The following DCDC2C variants were observed in gnomAD, a reference collection of about 807,000 sequenced individuals.
The protein encoded by DCDC2C is doublecortin domain-containing protein 2C.
DCDC2C carries 44 observed loss-of-function variants against 45.0 expected under a neutral mutation model. The ratio of observed to expected loss-of-function variants is 0.98; its 90% confidence interval spans 0.77 to 1.26. The LOEUF is 1.26. Among genes scored for constraint, DCDC2C ranks in the 50% most tolerant of loss-of-function variants. The pLI is 0.00. For synonymous variants in DCDC2C, 187 were observed against 178.8 expected, an observed-to-expected ratio of 1.05 and a Z score of -0.37; for missense variants, 447 against 468.9, an observed-to-expected ratio of 0.95 and a Z score of 0.43.
At chr2:3,717,445 G>A (rs542502231) in intron 2 of DCDC2C, among the ~76,000 whole-genome samples, 4 of 151,848 alleles carry the variant, frequency 2.6e-5, no homozygotes, top group Admixed American at 6.6e-5. Context: ...TCCCAGAAAC[G>A]CCCCCAGTCC....
chr2:3,710,831 G>A lies in DCDC2C; in HGVS notation c.339+2231G>A, dbSNP rs571981299. The stretch of plus-strand genomic sequence containing the variant: ...CTGCATAGTATTCCACGGTGTATAT[G>A]TACCACATTTTCTTTATCCAGTCCA... On this transcript the variant is annotated intron_variant, in intron 2 of 10. Transcript: ENST00000399143. 6.4e-4 allele frequency among the ~76,000 whole-genome samples: 97 copies of A among 152,310 alleles called. 2 individuals carry two copies. Among genetic ancestry groups the A allele is most frequent in the Middle Eastern group, 3.4e-3 (1 of 294 alleles).
In DCDC2C at chr2:3,729,174, G is replaced by T. The variant is rs543747425; in HGVS notation, c.416+2095G>T. Among the ~76,000 whole-genome samples, 10 of 152,298 alleles carry T rather than the reference G, an allele frequency of 6.6e-5. No homozygotes were observed. In the South Asian group the frequency reaches 2.1e-3, roughly 32 times the overall value. ...TTTATTTAGAAGTGAGCTGGCAAAAGTTGTCTGGGCCCTGGAGTGGTTTTA... is the reference window on the plus strand; with the variant it reads ...TTTATTTAGAAGTGAGCTGGCAAAATTTGTCTGGGCCCTGGAGTGGTTTTA... On this transcript the variant is annotated intron_variant, in intron 3 of 10. Coordinates refer to ENST00000399143, the MANE Select transcript of DCDC2C (RefSeq NM_001287444.2).
At chr2:3,709,889 A>G (rs182058151) in intron 2 of DCDC2C, among the ~76,000 whole-genome samples, 4 of 152,340 alleles carry the variant, frequency 2.6e-5, no homozygotes, top group Admixed American at 2.0e-4. Flanking sequence ...CTTGTTTTCT[A>G]GTAGAGGAAG....
chr2:3,713,115 A>T (rs574464079), intron 2 of DCDC2C, among the ~76,000 whole-genome samples: 1 of 152,102 alleles, frequency 6.6e-6, no homozygotes, highest in Non-Finnish European at 1.5e-5. Context: ...TGACTCCAGG[A>T]TTTCTCCCAC....
chr2:3,721,306 GCAC>G (rs1668495245), intron 2 of DCDC2C, among the ~76,000 whole-genome samples: 1 of 152,026 alleles, frequency 6.6e-6, no homozygotes, highest in African/African-American at 2.4e-5. Flanking sequence ...GAACCCTGCA[GCAC>G]CTGCTGCAGG....
intron 10 of DCDC2C, among the ~76,000 whole-genome samples, chr2:3,827,139 A>G (rs920342494): frequency 2.6e-5 from 4 of 152,228 alleles, no homozygotes; most frequent in African/African-American, 7.2e-5. Flanking sequence ...ACAGTGGTTG[A>G]CATCTCTTAG....
At chr2:3,808,051 G>A (rs923607098) in intron 10 of DCDC2C, among the ~76,000 whole-genome samples, 4 of 152,192 alleles carry the variant, frequency 2.6e-5, no homozygotes, top group South Asian at 4.1e-4. Context: ...GAGTGGGATC[G>A]CTGAGTCATG....
chr2:3,713,863 C>CTAT (rs1171385391), intron 2 of DCDC2C, among the ~76,000 whole-genome samples: 1 of 152,220 alleles, frequency 6.6e-6, no homozygotes, highest in Non-Finnish European at 1.5e-5. Flanking sequence ...GTAGTTAGTG[C>CTAT]TATTATTATT....
intron 10 of DCDC2C, among the ~76,000 whole-genome samples, chr2:3,839,697 A>G (rs1462743886): frequency 6.6e-6 from 1 of 151,936 alleles, no homozygotes; most frequent in Non-Finnish European, 1.5e-5. Flanking sequence ...AATCTCTCCA[A>G]CCAGCTCTTC....
rs1279337013 is a variant in DCDC2C at position 3,734,213 on chromosome 2, G to A, written c.416+7134G>A. 1.3e-5 allele frequency among the ~76,000 whole-genome samples: 2 copies of A among 152,206 alleles called. No individual in the cohort carries two copies. Among genetic ancestry groups the A allele is most frequent in the Admixed American group, 6.5e-5 (1 of 15,286 alleles). ...ATTTCTTCTGTCTTCATGCAAGCCC[G>A]AGTAAATGATTCATTCAGCCACCTG... On this transcript the variant is annotated intron_variant, in intron 3 of 10. Transcript: ENST00000399143. The surrounding 1 kb of genome is among the most constrained non-coding windows in gnomAD (Gnocchi z 4.2).
chr2:3,720,341 A>C lies in DCDC2C; in HGVS notation c.340-6662A>C, dbSNP rs569025403. Among the ~76,000 whole-genome samples, 15 of 152,204 alleles carry C rather than the reference A, an allele frequency of 9.9e-5. No individual in the cohort carries two copies. In the South Asian group the frequency reaches 2.5e-3, roughly 25 times the overall value. ...AACAGTCCAGCATGGAGTCTCTGTG[A>C]GGTTTTCAGAGGAACTCACTAAAGC... is the stretch of plus-strand genomic sequence containing the variant. On this transcript the variant is annotated intron_variant, in intron 2 of 10. Transcript: ENST00000399143.
rs567055088 is a variant in DCDC2C, at chr2:3,726,905, C to G, written c.340-98C>G. ...TTCTATTGACAAAGGGGTTCCCCCC[C>G]TTTCTTATGTTTTAGGGCAGTGCTG... On this transcript the variant is annotated intron_variant, in intron 2 of 10. Coordinates refer to ENST00000399143, the MANE Select transcript of DCDC2C (RefSeq NM_001287444.2). 2.0e-5 allele frequency: 22 copies of G among 1,113,184 alleles called. 1 individual carries two copies. In the Admixed American group the frequency reaches 2.1e-4, roughly 11 times the overall value. 69.0% of individuals were successfully genotyped at this position (1,113,184 alleles called of 1,614,324 possible).
Position 3,786,093 on chromosome 2 carries a change from C to T in DCDC2C, c.1065+993C>T, listed in dbSNP as rs545223407. 2.3e-3 allele frequency among the ~76,000 whole-genome samples: 352 copies of T among 152,360 alleles called. 1 individual carries two copies. The highest frequency in any genetic ancestry group is 4.2e-3 in the Non-Finnish European group (285 of 68,036). On this transcript the variant is annotated intron_variant, in intron 10 of 10. Transcript: ENST00000399143. ...GAAATAGCTGACTTGCAAAAATATT[C>T]CTGACCATATTATGGGGGAGGGGAA...
intron 10 of DCDC2C, among the ~76,000 whole-genome samples, chr2:3,812,982 T>G (rs1671442995): frequency 6.6e-6 from 1 of 151,206 alleles, no homozygotes; most frequent in Non-Finnish European, 1.5e-5. Context: ...GCTGAGTGTT[T>G]TACTTCCAAT....
intron 10 of DCDC2C, among the ~76,000 whole-genome samples, chr2:3,846,426 CT>C (rs1217530972): frequency 6.6e-6 from 1 of 151,794 alleles, no homozygotes; most frequent in African/African-American, 2.4e-5. Flanking sequence ...GGCTACTTTT[CT>C]TTTTTTTGGA....
intron 10 of DCDC2C, among the ~76,000 whole-genome samples, chr2:3,836,769 G>A (rs938281079): frequency 6.6e-6 from 1 of 151,904 alleles, no homozygotes; most frequent in Non-Finnish European, 1.5e-5. Flanking sequence ...GGCTGAGGCA[G>A]GAGAATGACG....
At chr2:3,769,263 C>T (rs1283355371) in intron 7 of DCDC2C, 48 bp from the exon 8 acceptor site, 1 of 1,520,384 alleles carries the variant, frequency 6.6e-7, no homozygotes, top group Admixed American at 2.0e-5. Flanking sequence ...CAGTGGACTC[C>T]AGCTTCTCCA....
intron 2 of DCDC2C, among the ~76,000 whole-genome samples, chr2:3,721,604 A>G (rs1668506252): frequency 6.6e-6 from 1 of 152,154 alleles, no homozygotes; most frequent in African/African-American, 2.4e-5. Context: ...TGGTTTTGCT[A>G]TGTCCCCACC....
In DCDC2C at chr2:3,747,243, G is replaced by A. The variant is rs1048762191; in HGVS notation, c.545+5195G>A. 6.6e-5 allele frequency among the ~76,000 whole-genome samples: 10 copies of A among 152,194 alleles called. No individual in the cohort carries two copies. In the East Asian group the frequency reaches 1.9e-3, roughly 29 times the overall value. On this transcript the variant is annotated intron_variant, in intron 4 of 10. Transcript: ENST00000399143. ...AGGAGCTTCCCGCCTCGGTTTCTGT[G>A]CAGGGCTCAGTGTCAGTCATGCTGC...
Sources: gnomAD v4.1 joint callset for allele counts (sites outside exome capture counted in the v4.1 genomes callset) on GRCh38, gnomAD v4.1.1 for gene constraint, Gnocchi (gnomAD v3.1) non-coding constraint, MANE v1.5 for transcripts, NCBI Gene and HGNC (gene_info 2026-07-23, HGNC 2026-07-21) for gene names.